ABHD12: variants seen among roughly 807,000 people sequenced by gnomAD.
ABHD12 encodes the protein abhydrolase domain containing 12, lysophospholipase.
Under a neutral mutation model 58.3 loss-of-function variants are expected in ABHD12, and 43 were observed. The observed-to-expected ratio is 0.74, with a 90% CI of 0.58 to 0.95. ABHD12 has a LOEUF of 0.95. ABHD12 is among the 40% of genes least tolerant of loss of function. The pLI is 0.00. For synonymous variants in ABHD12, 219 were observed against 211.2 expected (o/e 1.04, Z -0.32); for missense variants, 539 against 537.2 (o/e 1.00, Z -0.03).
At chr20:25,301,595 T>C (rs1298118211) in intron 12 of ABHD12, among the ~76,000 whole-genome samples, 1 of 152,234 alleles carries the variant, frequency 6.6e-6, no homozygotes, top group East Asian at 1.9e-4. Context: ...TGGGGGCCTG[T>C]GTCCTCTGAC....
In ABHD12 at chr20:25,313,578, A is replaced by AAAAATAACAT. The variant is rs375766103; in HGVS notation, c.619+1346_619+1347insATGTTATTTT. Among the ~76,000 whole-genome samples the AAAAATAACAT allele has an allele frequency of 3.0e-5, 4 of 131,650 alleles. No homozygotes were observed. In the Admixed American group the frequency reaches 3.1e-4, roughly 10 times the overall value. 86.4% of individuals were successfully genotyped at this position (131,650 alleles called of 152,430 possible). On this transcript the variant is annotated intron_variant, in intron 6 of 12. Coordinates refer to ENST00000339157, the MANE Select transcript of ABHD12 (RefSeq NM_001042472.3). ...AGAGGAACACCCAAGAATGATCAAT[A>AAAAATAACAT]AAAATAAAATAAAATAAAATAAAAT...
chr20:25,376,913 T>G (rs1183677907), intron 1 of ABHD12, among the ~76,000 whole-genome samples: 1 of 152,178 alleles, frequency 6.6e-6, no homozygotes, highest in African/African-American at 2.4e-5. Context: ...TATTAAGAAC[T>G]CTTTATTACT....
In ABHD12 at chr20:25,390,497, C is replaced by G; in HGVS notation, c.191+16G>C. ...GACCGGCCCCCCCCCCCCCCCCGCT[C>G]CGCGCGAAGCCTCACCTGCCCAGCG... On this transcript the variant is annotated intron_variant, in intron 1 of 12. Transcript: ENST00000339157. 2 of 1,406,344 alleles carry G rather than the reference C, an allele frequency of 1.4e-6. No homozygotes were observed. Among genetic ancestry groups the G allele is most frequent in the Non-Finnish European group, 1.9e-6 (2 of 1,080,886 alleles). 87.1% of individuals were successfully genotyped at this position (1,406,344 alleles called of 1,614,324 possible).
At chr20:25,357,400 C>T (rs929332434) in intron 1 of ABHD12, among the ~76,000 whole-genome samples, 1 of 152,202 alleles carries the variant, frequency 6.6e-6, no homozygotes, top group Non-Finnish European at 1.5e-5. Context: ...GAATAAGTAG[C>T]GTAGCTCTTG....
At chr20:25,348,779 C>G (rs139891778) in intron 1 of ABHD12, among the ~76,000 whole-genome samples, 1 of 152,128 alleles carries the variant, frequency 6.6e-6, no homozygotes, top group African/African-American at 2.4e-5. Flanking sequence ...GCATTTCCCC[C>G]TAAATTCTAA....
intron 1 of ABHD12, among the ~76,000 whole-genome samples, chr20:25,364,970 A>T (rs988132028): frequency 1.3e-5 from 2 of 152,108 alleles, no homozygotes. Flanking sequence ...TGGGCATGGG[A>T]ATGGCTGCCT....
At chr20:25,326,166 G>C (rs1023681048) in intron 2 of ABHD12, among the ~76,000 whole-genome samples, 16 of 145,102 alleles carry the variant, frequency 1.1e-4, no homozygotes, top group Admixed American at 3.4e-4. Flanking sequence ...AGGAAGGAAG[G>C]AAGGGAGAGA....
At chr20:25,355,327 C>T (rs969722771) in intron 1 of ABHD12, among the ~76,000 whole-genome samples, 5 of 152,018 alleles carry the variant, frequency 3.3e-5, no homozygotes, top group Non-Finnish European at 4.4e-5. Context: ...AGACCCTGTC[C>T]CCAGTTTTAA....
At chr20:25,304,582 T>C (rs1286240961) in intron 10 of ABHD12, among the ~76,000 whole-genome samples, 1 of 152,242 alleles carries the variant, frequency 6.6e-6, no homozygotes, top group Non-Finnish European at 1.5e-5. Context: ...TTTTATTTTT[T>C]ATTTTGAGAT....
intron 6 of ABHD12, 96 bp from the exon 7 acceptor site, chr20:25,309,671 C>G (rs2145936576): frequency 1.9e-6 from 3 of 1,569,412 alleles, no homozygotes; most frequent in African/African-American, 1.3e-5. Context: ...CAGGAGGAGA[C>G]AGGGAGGGGC....
chr20:25,378,168 G>A (rs1227932391), intron 1 of ABHD12, among the ~76,000 whole-genome samples: 5 of 152,238 alleles, frequency 3.3e-5, no homozygotes. Context: ...GAGTCTTTAA[G>A]AAAGGATAAA....
chr20:25,320,470 G>A, intron 3 of ABHD12, 152 bp from the exon 4 acceptor site: 2 of 987,042 alleles, frequency 2.0e-6, no homozygotes, highest in Non-Finnish European at 3.1e-6. Context: ...GGGGTGGGTG[G>A]TAGAAAACTA....
intron 1 of ABHD12, among the ~76,000 whole-genome samples, chr20:25,364,358 G>C (rs761727488): frequency 4.6e-5 from 7 of 152,208 alleles, no homozygotes; most frequent in Non-Finnish European, 8.8e-5. Flanking sequence ...GGCTAGACAA[G>C]AAGCATGGTG....
chr20:25,343,108 A>C (rs2089475997), intron 1 of ABHD12, among the ~76,000 whole-genome samples: 1 of 152,172 alleles, frequency 6.6e-6, no homozygotes, highest in African/African-American at 2.4e-5. Context: ...AGTATTTTTA[A>C]ATTAAGGTAT....
intron 4 of ABHD12, among the ~76,000 whole-genome samples, chr20:25,318,697 T>A (rs1210146893): frequency 1.3e-5 from 2 of 151,442 alleles, no homozygotes; most frequent in Non-Finnish European, 2.9e-5. Flanking sequence ...TGATGGGCAC[T>A]GCAGAACTGA....
chr20:25,373,829 T>A (rs1302902871), intron 1 of ABHD12, among the ~76,000 whole-genome samples: 1 of 152,196 alleles, frequency 6.6e-6, no homozygotes, highest in African/African-American at 2.4e-5. Flanking sequence ...TGGCCACTAT[T>A]TCTTCAAATA....
At chr20:25,295,977 G>A (rs2088536650), downstream of ABHD12, among the ~76,000 whole-genome samples, 1 of 152,218 alleles carries the variant, frequency 6.6e-6, no homozygotes, top group African/African-American at 2.4e-5. Context: ...CTCGAGGAAA[G>A]GCTGGCCTGG....
intron 11 of ABHD12, chr20:25,303,280 G>C (rs900655824): frequency 2.4e-5 from 31 of 1,305,214 alleles, no homozygotes; most frequent in Non-Finnish European, 3.0e-5. Flanking sequence ...TGAGGACTGG[G>C]AACTATCTGC....
chr20:25,296,325 C>G, downstream of ABHD12: 1 of 1,610,096 alleles, frequency 6.2e-7, no homozygotes, highest in Non-Finnish European at 8.5e-7. Flanking sequence ...TTAGCAGCCC[C>G]AAGCCCTGTG....
Sources: gnomAD v4.1 joint callset for allele counts (sites outside exome capture counted in the v4.1 genomes callset) on GRCh38, gnomAD v4.1.1 for gene constraint, MANE v1.5 for transcripts, NCBI Gene and HGNC (gene_info 2026-07-23, HGNC 2026-07-21) for gene names.